NEDD4: variants seen among roughly 807,000 people sequenced by gnomAD.
NEDD4 encodes the protein E3 ubiquitin-protein ligase NEDD4.
NEDD4 carries 99 observed loss-of-function variants against 144.9 expected under a neutral mutation model. That is an observed-to-expected ratio of 0.68 (90% CI 0.58 to 0.81). The LOEUF (loss-of-function observed/expected upper bound fraction) is 0.81. NEDD4 is among the 30% of genes least tolerant of loss of function. NEDD4 has a pLI of 0.00. For missense variants in NEDD4, 985 were observed against 1,065.9 expected (o/e 0.92, Z 1.06); for synonymous variants, 318 against 350.6 (o/e 0.91, Z 1.04).
At chr15:55,904,778 A>G (rs2036031384) in intron 5 of NEDD4, among the ~76,000 whole-genome samples, 1 of 152,186 alleles carries the variant, frequency 6.6e-6, no homozygotes, top group Admixed American at 6.5e-5. Context: ...TGCTTCTAGA[A>G]TATACACAAG....
chr15:55,832,870 G>A (rs1033640867), intron 27 of NEDD4, 138 bp downstream of exon 27: 12 of 605,750 alleles, frequency 2.0e-5, no homozygotes, highest in Non-Finnish European at 2.9e-5. Context: ...TGTCCCTAAT[G>A]GTATCACTTT....
intron 2 of NEDD4, among the ~76,000 whole-genome samples, chr15:55,963,814 C>G (rs1037471019): frequency 6.6e-6 from 1 of 152,154 alleles, no homozygotes; most frequent in Non-Finnish European, 1.5e-5. Context: ...CAGCACAGGT[C>G]TGCCAATGAT....
intron 5 of NEDD4, chr15:55,916,165 G>C: frequency 1.9e-6 from 3 of 1,613,856 alleles, no homozygotes; most frequent in Non-Finnish European, 2.5e-6. Context: ...ATTTCACAAG[G>C]AGTAGTATTC....
chr15:55,945,171 T>C (rs529376046), intron 4 of NEDD4, among the ~76,000 whole-genome samples: 1 of 152,056 alleles, frequency 6.6e-6, no homozygotes, highest in Non-Finnish European at 1.5e-5. Context: ...CTTTGATGAG[T>C]TGACAGAAGT....
At chr15:55,871,477 G>A (rs1042447601) in intron 7 of NEDD4, among the ~76,000 whole-genome samples, 2 of 152,120 alleles carry the variant, frequency 1.3e-5, no homozygotes, top group Non-Finnish European at 2.9e-5. Context: ...CAGGCTGCTA[G>A]GACAATCAAA....
intron 18 of NEDD4, among the ~76,000 whole-genome samples, chr15:55,845,348 T>C (rs2033695755): frequency 1.3e-5 from 2 of 152,200 alleles, no homozygotes; most frequent in African/African-American, 4.8e-5. Context: ...TTAATAACCA[T>C]GGGACTTGAT....
At chr15:55,840,385 C>A in intron 21 of NEDD4, 62 bp downstream of exon 21, 2 of 1,431,472 alleles carry the variant, frequency 1.4e-6, no homozygotes, top group Non-Finnish European at 9.5e-7. Context: ...GCAAATTCTT[C>A]AAAATGTTCA....
In NEDD4 at chr15:55,880,712, T is replaced by TTAAAAAAAAC. The variant is rs113824884; in HGVS notation, c.292-6705_292-6704insGTTTTTTTTA. Among the ~76,000 whole-genome samples, 2 of 152,160 alleles carry TTAAAAAAAAC rather than the reference T, an allele frequency of 1.3e-5. 1 individual carries two copies. Among genetic ancestry groups the TTAAAAAAAAC allele is most frequent in the African/African-American group, 4.8e-5 (2 of 41,524 alleles). ...GGGAAAGGAAGTCTCAGAGTAACAG[T>TTAAAAAAAAC]TATGTAACACCTAGAGAGCAACCAG... On this transcript the variant is annotated intron_variant, in intron 5 of 28. Transcript: ENST00000435532.
chr15:55,935,186 G>A (rs965836434), intron 4 of NEDD4, among the ~76,000 whole-genome samples: 3 of 151,812 alleles, frequency 2.0e-5, no homozygotes, highest in African/African-American at 7.3e-5. Flanking sequence ...CATTTTTCTT[G>A]CTTCATTTAG....
chr15:55,839,069 C>T (rs1267493005), intron 21 of NEDD4, among the ~76,000 whole-genome samples: 1 of 151,406 alleles, frequency 6.6e-6, no homozygotes, highest in East Asian at 1.9e-4. Flanking sequence ...CGCTCTGTCC[C>T]TTAGGTTGGA....
chr15:55,898,951 C>A (rs1395917879), intron 5 of NEDD4, among the ~76,000 whole-genome samples: 2 of 152,090 alleles, frequency 1.3e-5, no homozygotes, highest in African/African-American at 4.8e-5. Flanking sequence ...AAGAAAAGAC[C>A]TTTAAAAAGC....
At chr15:55,947,426 A>G (rs962059857) in intron 4 of NEDD4, among the ~76,000 whole-genome samples, 11 of 152,234 alleles carry the variant, frequency 7.2e-5, no homozygotes, top group Non-Finnish European at 1.3e-4. Context: ...AGAAATGGAT[A>G]AATTCCTCGA....
At chr15:55,993,322 GCCCCCAGCGCCCGCGCGCCGAGCCGCC>G (rs2038018740) in intron 1 of NEDD4, among the ~76,000 whole-genome samples, 162 bp downstream of exon 1, 1 of 152,128 alleles carries the variant, frequency 6.6e-6, no homozygotes, top group Admixed American at 6.5e-5. Context: ...CCTCCAGCGA[GCCCCCAGCGCCCGCGCGCCGAGCCGCC>G]CCCACAGTCC....
chr15:55,955,909 G>A lies in NEDD4; in HGVS notation c.120-4320C>T, dbSNP rs143884132. Among the ~76,000 whole-genome samples, 223 of 149,392 alleles carry A rather than the reference G, an allele frequency of 1.5e-3. 7 individuals are homozygous for A. The East Asian group carries it at 0.036, about 24-fold the overall frequency. ...CGGCTCACTGTAGCCTCAACTTCCT[G>A]GGCTCAAGTGATCTTCCCACCTCAG... On this transcript the variant is annotated intron_variant, in intron 2 of 28. Coordinates refer to ENST00000435532, the MANE Select transcript of NEDD4 (RefSeq NM_006154.4).
intron 1 of NEDD4, among the ~76,000 whole-genome samples, chr15:55,972,380 G>A (rs1425007200): frequency 3.9e-5 from 6 of 152,130 alleles, no homozygotes; most frequent in African/African-American, 1.4e-4. Context: ...TAAAAAGCAA[G>A]AAGGATAAAG....
At chr15:55,908,435 C>T (rs1398619698) in intron 5 of NEDD4, among the ~76,000 whole-genome samples, 4 of 152,164 alleles carry the variant, frequency 2.6e-5, no homozygotes, top group Non-Finnish European at 5.9e-5. Flanking sequence ...ATGAATTACT[C>T]GTGATAATGG....
chr15:55,922,859 T>C (rs987410985), intron 5 of NEDD4, among the ~76,000 whole-genome samples: 1 of 152,186 alleles, frequency 6.6e-6, no homozygotes, highest in African/African-American at 2.4e-5. Context: ...TGTATACATA[T>C]TTGTCTTATT....
chr15:55,910,084 C>A (rs759705181), intron 5 of NEDD4, among the ~76,000 whole-genome samples: 8 of 151,964 alleles, frequency 5.3e-5, no homozygotes, highest in Non-Finnish European at 7.4e-5. Flanking sequence ...TTATTTTTTT[C>A]TCCAGGAAAA....
At chr15:55,916,973 C>T in intron 5 of NEDD4, 1 of 1,404,170 alleles carries the variant, frequency 7.1e-7, no homozygotes, top group South Asian at 1.8e-5. Context: ...TAGTCTTTAT[C>T]CTAAGTAAAA....
Sources: gnomAD v4.1 joint callset for allele counts (sites outside exome capture counted in the v4.1 genomes callset) on GRCh38, gnomAD v4.1.1 for gene constraint, MANE v1.5 for transcripts, NCBI Gene and HGNC (gene_info 2026-07-23, HGNC 2026-07-21) for gene names.